The following RAB6B variants were observed in gnomAD, a reference collection of about 807,000 sequenced individuals.
RAB6B encodes ras-related protein Rab-6B.
Under a neutral mutation model 31.2 loss-of-function variants are expected in RAB6B, and 7 were observed. The observed-to-expected ratio is 0.22, with a 90% CI of 0.13 to 0.42. The LOEUF is 0.42. Among genes scored for constraint, RAB6B ranks in the 10% least tolerant of loss-of-function variants. The probability of loss-of-function intolerance (pLI) is 1.00; values close to 1 mark genes in which losing one functional copy is unlikely to be tolerated. For synonymous variants in RAB6B, 105 were observed against 104.9 expected (o/e 1.00, Z -0.01); for missense variants, 149 against 280.6 (o/e 0.53, Z 3.35).
intron 1 of RAB6B, among the ~76,000 whole-genome samples, chr3:133,886,359 C>G (rs994446488): frequency 4.6e-5 from 7 of 152,242 alleles, no homozygotes; most frequent in Admixed American, 4.6e-4. Context: ...GGGCCAAGTA[C>G]TACCGACCTC....
intron 2 of RAB6B, among the ~76,000 whole-genome samples, chr3:133,844,552 G>T (rs767844066): frequency 2.1e-4 from 32 of 152,192 alleles, no homozygotes; most frequent in Non-Finnish European, 3.8e-4. Flanking sequence ...ATGGCTGAGT[G>T]GCTTGTATCA....
chr3:133,852,855 A>C (rs1235053875), intron 2 of RAB6B, among the ~76,000 whole-genome samples: 6 of 152,172 alleles, frequency 3.9e-5, no homozygotes, highest in Admixed American at 3.9e-4. Context: ...TATCTGGCTC[A>C]AAATGCAAGC....
intron 7 of RAB6B, among the ~76,000 whole-genome samples, chr3:133,833,196 G>T (rs73861229): frequency 6.6e-6 from 1 of 152,046 alleles, no homozygotes. Context: ...CCATGTGACA[G>T]GTGATTCCAC....
At chr3:133,873,830 G>C (rs1425575328) in intron 1 of RAB6B, among the ~76,000 whole-genome samples, 1 of 152,144 alleles carries the variant, frequency 6.6e-6, no homozygotes, top group East Asian at 1.9e-4. Flanking sequence ...GTTGACCAAA[G>C]CCTTCCTGAT....
intron 2 of RAB6B, among the ~76,000 whole-genome samples, chr3:133,846,546 T>C (rs1216164781): frequency 6.6e-6 from 1 of 152,160 alleles, no homozygotes; most frequent in African/African-American, 2.4e-5. Flanking sequence ...CTTCACCCAA[T>C]TTAATTAGAA....
intron 6 of RAB6B, among the ~76,000 whole-genome samples, chr3:133,837,925 T>C (rs943714924): frequency 2.0e-5 from 3 of 152,220 alleles, no homozygotes; most frequent in Non-Finnish European, 4.4e-5. Context: ...TGGCAACTAC[T>C]ACGGTGGCTG....
intron 1 of RAB6B, chr3:133,885,668 G>A (rs1363493875): frequency 1.7e-5 from 12 of 701,970 alleles, no homozygotes; most frequent in Non-Finnish European, 2.6e-5. Context: ...CCAGGGCACT[G>A]TGGAGATAGG....
Position 133,853,150 on chromosome 3 carries a change from G to T in RAB6B, c.129+11434C>A, listed in dbSNP as rs958138750. Reference sequence around the variant, plus strand: ...CCTGAAAAAGGCCCCAGCAACCTTGGTGATTTCCTGTGACCTGCCACAGGG... The same window carrying T: ...CCTGAAAAAGGCCCCAGCAACCTTGTTGATTTCCTGTGACCTGCCACAGGG... On this transcript the variant is annotated intron_variant, in intron 2 of 7. Coordinates refer to ENST00000285208, the MANE Select transcript of RAB6B (RefSeq NM_016577.4). Among the ~76,000 whole-genome samples the T allele has an allele frequency of 1.9e-4, 29 of 152,092 alleles. 1 individual carries two copies. Among genetic ancestry groups the T allele is most frequent in the Non-Finnish European group, 1.5e-5 (1 of 68,028 alleles).
chr3:133,885,557 A>G, intron 1 of RAB6B: 1 of 703,060 alleles, frequency 1.4e-6, no homozygotes, highest in Non-Finnish European at 2.6e-6. Flanking sequence ...TTCTGGTCAT[A>G]TGCCACATCC....
rs966135020 is a variant in RAB6B, at chr3:133,828,542, A to T, written c.*246T>A. On this transcript the variant is annotated 3_prime_UTR_variant, in exon 8 of 8. Coordinates refer to ENST00000285208, the MANE Select transcript of RAB6B (RefSeq NM_016577.4). ...TTTTTAAATTTTAACAGTTTTTGGC[A>T]ATCTTAATAAAGTACAATATATTAC... 4.1e-6 allele frequency: 2 copies of T among 492,038 alleles called. No individual in the cohort carries two copies. Among genetic ancestry groups the T allele is most frequent in the Non-Finnish European group, 7.1e-6 (2 of 281,360 alleles). 30.5% of individuals were successfully genotyped at this position (492,038 alleles called of 1,614,324 possible).
rs1935572407 is a variant in RAB6B at position 133,826,845 on chromosome 3, C to G, written c.*1943G>C. On this transcript the variant is annotated 3_prime_UTR_variant, in exon 8 of 8. Coordinates refer to ENST00000285208, the MANE Select transcript of RAB6B (RefSeq NM_016577.4). ...AAACTTATCACAATGCAAGTTCCAA[C>G]TTGAGAGCAGGAGAAACAAGAATAT... is the stretch of plus-strand genomic sequence containing the variant. 6.5e-6 allele frequency: 1 copy of G among 152,694 alleles called. No homozygotes were observed. The highest frequency in any genetic ancestry group is 6.5e-5 in the Admixed American group (1 of 15,290). The allele number at this position is 152,694 out of a possible 1,614,324, so 9.5% of individuals were successfully genotyped here.
In RAB6B at chr3:133,828,640, C is replaced by G; in HGVS notation, c.*148G>C. ...GTGATCCCTGATGCCCAGCCTCCCT[C>G]CCCATCCCACCCTACTCCTAAAGAC... On this transcript the variant is annotated 3_prime_UTR_variant, in exon 8 of 8. Transcript: ENST00000285208. The G allele has an allele frequency of 1.9e-6, 1 of 521,594 alleles. No homozygotes were observed. The highest frequency in any genetic ancestry group is 3.7e-6 in the Non-Finnish European group (1 of 272,002). 32.3% of individuals were successfully genotyped at this position (521,594 alleles called of 1,614,324 possible).
At chr3:133,859,557 G>A (rs886157970) in intron 2 of RAB6B, among the ~76,000 whole-genome samples, 2 of 152,166 alleles carry the variant, frequency 1.3e-5, no homozygotes, top group African/African-American at 2.4e-5. Flanking sequence ...AAGGCAGTGC[G>A]AGGGCTTTTT....
At chr3:133,867,035 G>C (rs1936247760) in intron 1 of RAB6B, among the ~76,000 whole-genome samples, 1 of 152,192 alleles carries the variant, frequency 6.6e-6, no homozygotes. Flanking sequence ...AGCCACTAAG[G>C]GCACAGAAAT....
chr3:133,869,793 G>A (rs1936290689), intron 1 of RAB6B, among the ~76,000 whole-genome samples: 1 of 152,196 alleles, frequency 6.6e-6, no homozygotes, highest in Non-Finnish European at 1.5e-5. Context: ...GCCTACAGGA[G>A]GGAGACACGC....
rs183562150 is a variant in RAB6B, at chr3:133,853,254, C to T, written c.129+11330G>A. Among the ~76,000 whole-genome samples, 7 of 152,122 alleles carry T rather than the reference C, an allele frequency of 4.6e-5. No homozygotes were observed. In the East Asian group the frequency reaches 9.7e-4, roughly 21 times the overall value. On this transcript the variant is annotated intron_variant, in intron 2 of 7. Transcript: ENST00000285208. ...GGGTATGAGTGTGTGTGAGCAGACA[C>T]GTGGATGAGTGGGGATACACATGTG...
chr3:133,839,425 T>C, intron 5 of RAB6B, 81 bp downstream of exon 5: 1 of 1,220,654 alleles, frequency 8.2e-7, no homozygotes, highest in Non-Finnish European at 1.2e-6. Flanking sequence ...ACACCACCCA[T>C]GCATCCCAGA....
chr3:133,867,427 C>A (rs1936253646), intron 1 of RAB6B, among the ~76,000 whole-genome samples: 1 of 152,156 alleles, frequency 6.6e-6, no homozygotes, highest in Admixed American at 6.5e-5. Flanking sequence ...ACCTCCCAGC[C>A]CTCAACTCTG....
intron 1 of RAB6B, among the ~76,000 whole-genome samples, chr3:133,875,421 T>C (rs1425947462): frequency 1.3e-5 from 2 of 151,988 alleles, no homozygotes; most frequent in African/African-American, 4.8e-5. Flanking sequence ...GGGTCAGAGG[T>C]GGGGAAATGG....
Sources: gnomAD v4.1 joint callset for allele counts (sites outside exome capture counted in the v4.1 genomes callset) on GRCh38, gnomAD v4.1.1 for gene constraint, MANE v1.5 for transcripts, NCBI Gene and HGNC (gene_info 2026-07-23, HGNC 2026-07-21) for gene names.